Variants in PRPF38A observed in about 807,000 individuals in gnomAD.
The protein encoded by PRPF38A is pre-mRNA processing factor 38A, also known as pre-mRNA-splicing factor 38A.
A neutral mutation model predicts 46.8 loss-of-function variants in PRPF38A; 11 were observed. That is an observed-to-expected ratio of 0.24 (90% CI 0.15 to 0.39). The LOEUF is 0.39. Among genes scored for constraint, PRPF38A ranks in the 10% least tolerant of loss-of-function variants. The pLI, the probability that PRPF38A is intolerant of heterozygous loss-of-function variation, is 1.00. For synonymous variants in PRPF38A, 124 were observed against 136.2 expected (o/e 0.91, Z 0.62); for missense variants, 261 against 407.5 (o/e 0.64, Z 3.10).
chr1:52,419,449 C>T lies in PRPF38A; in HGVS notation c.*2759C>T, dbSNP rs566548672. On this transcript the variant is annotated 3_prime_UTR_variant, in exon 10 of 10. Transcript: ENST00000257181. Reference sequence around the variant, plus strand: ...TCAAGCTCATTCCTCTAACCTCTTCCTGTTTGTTATTCTTCAGTAGACCGA... The same window carrying T: ...TCAAGCTCATTCCTCTAACCTCTTCTTGTTTGTTATTCTTCAGTAGACCGA... 6.6e-6 allele frequency: 1 copy of T among 151,792 alleles called. No individual in the cohort carries two copies. The highest frequency in any genetic ancestry group is 1.9e-4 in the East Asian group (1 of 5,166). The allele number at this position is 151,792 out of a possible 1,614,324, so 9.4% of individuals were successfully genotyped here. A position where few individuals can be genotyped will look rare whatever the true frequency, so the allele number is the denominator to read the frequency against.
At chr1:52,406,774 T>C (rs1648009407) in intron 2 of PRPF38A, among the ~76,000 whole-genome samples, 1 of 152,186 alleles carries the variant, frequency 6.6e-6, no homozygotes. Flanking sequence ...TAATAATTCA[T>C]TTCACTTTCA....
chr1:52,407,930 C>G (rs1320678677), intron 2 of PRPF38A, among the ~76,000 whole-genome samples: 1 of 152,264 alleles, frequency 6.6e-6, no homozygotes, highest in Non-Finnish European at 1.5e-5. Context: ...TTGGCACATG[C>G]CTATAATCCC....
chr1:52,414,762 C>T lies in PRPF38A; in HGVS notation c.750C>T (p.Ser250=), dbSNP rs929500583. The T allele has an allele frequency of 6.2e-7, 1 of 1,614,120 alleles. No individual in the cohort carries two copies. The highest frequency in any genetic ancestry group is 8.5e-7 in the Non-Finnish European group (1 of 1,179,992). The part of the protein sequence containing the change: ...RRRSRSPKRR[S]PSPRRERHRS... The stretch of plus-strand genomic sequence containing the variant: ...GTAGTCTGACCAGTCTTTTCTACAG[C>T]CCCTCCCCTCGCCGAGAAAGGCATC... Residue 250 remains serine, a splice_region_variant and synonymous_variant, in exon 8 of 10, where the codon AGC becomes AGT. Coordinates refer to ENST00000257181, the MANE Select transcript of PRPF38A (RefSeq NM_032864.4).
chr1:52,405,619 C>G, intron 1 of PRPF38A, 61 bp from the exon 2 acceptor site: 1 of 1,537,166 alleles, frequency 6.5e-7, no homozygotes, highest in East Asian at 2.3e-5. Context: ...CTTGAACTAA[C>G]TCCACTCCAA....
chr1:52,409,972 G>A (rs1174136571), intron 3 of PRPF38A, among the ~76,000 whole-genome samples: 1 of 151,484 alleles, frequency 6.6e-6, no homozygotes, highest in Admixed American at 6.6e-5. Flanking sequence ...CAGAAGTAAG[G>A]TAATGTTTAC....
rs1216097557 is a variant in PRPF38A at position 52,419,414 on chromosome 1, C to A, written c.*2724C>A. ...TTTGGTGAGAGGGTTCCAATATTAACAACCCAACTTCAAGCTCATTCCTCT... is the reference window on the plus strand; with the variant it reads ...TTTGGTGAGAGGGTTCCAATATTAAAAACCCAACTTCAAGCTCATTCCTCT... On this transcript the variant is annotated 3_prime_UTR_variant, in exon 10 of 10. Transcript: ENST00000257181. 2 of 148,376 alleles carry A rather than the reference C, an allele frequency of 1.3e-5. No homozygotes were observed. The highest frequency in any genetic ancestry group is 4.9e-5 in the African/African-American group (2 of 40,422). The allele number at this position is 148,376 out of a possible 1,614,324, so 9.2% of individuals were successfully genotyped here.
chr1:52,407,086 C>T (rs61782546), intron 2 of PRPF38A, among the ~76,000 whole-genome samples: 3,095 of 152,286 alleles, frequency 0.02, 62 homozygotes, highest in Middle Eastern at 0.11. Flanking sequence ...GGCGCAGTCT[C>T]GGCTCACTGC....
chr1:52,406,762 T>C (rs1648008993), intron 2 of PRPF38A, among the ~76,000 whole-genome samples: 1 of 152,212 alleles, frequency 6.6e-6, no homozygotes, highest in Non-Finnish European at 1.5e-5. Context: ...GGGCTTTGCA[T>C]ATAATAATTC....
At position 52,419,482 on chromosome 1, in the gene PRPF38A, A is replaced by G. The variant is rs552191117; in HGVS notation, c.*2792A>G. On this transcript the variant is annotated 3_prime_UTR_variant, in exon 10 of 10. Coordinates refer to ENST00000257181, the MANE Select transcript of PRPF38A (RefSeq NM_032864.4). Reference sequence around the variant, plus strand: ...TATTCTTCAGTAGACCGAAGTTTAAATAAGCATTATTTAGAAAAGAACGAT... The same window carrying G: ...TATTCTTCAGTAGACCGAAGTTTAAGTAAGCATTATTTAGAAAAGAACGAT... 62 of 152,152 alleles carry G rather than the reference A, an allele frequency of 4.1e-4. No individual in the cohort carries two copies. Among genetic ancestry groups the G allele is most frequent in the African/African-American group, 1.4e-3 (58 of 41,452 alleles). 9.4% of individuals were successfully genotyped at this position (152,152 alleles called of 1,614,324 possible).
At position 52,408,544 on chromosome 1, in the gene PRPF38A, T is replaced by C. The variant is rs933358157; in HGVS notation, c.291-25T>C. 11 of 1,613,836 alleles carry C rather than the reference T, an allele frequency of 6.8e-6. No homozygotes were observed. In the Admixed American group the frequency reaches 1.2e-4, roughly 17 times the overall value. ...CTCAGGAACTTCTAGGATGGCCTGT[T>C]GTTTCACTGTCATCTGTCTCTCAGG... On this transcript the variant is annotated intron_variant, in intron 2 of 9. Transcript: ENST00000257181.
intron 3 of PRPF38A, 74 bp downstream of exon 3, chr1:52,408,764 A>T: frequency 1.3e-6 from 2 of 1,541,846 alleles, no homozygotes; most frequent in Non-Finnish European, 1.8e-6. Context: ...CTACCTTTGC[A>T]TTGTCATAGA....
In PRPF38A at chr1:52,408,584, G is replaced by A. The variant is rs762595681; in HGVS notation, c.306G>A (p.Leu102=). The A allele has an allele frequency of 2.2e-5, 35 of 1,614,034 alleles. No homozygotes were observed. The highest frequency in any genetic ancestry group is 3.0e-5 in the Non-Finnish European group (35 of 1,179,998). Residue 102 remains leucine, a synonymous_variant, in exon 3 of 10, where the codon CTG becomes CTA. Coordinates refer to ENST00000257181, the MANE Select transcript of PRPF38A (RefSeq NM_032864.4). ...KNEDFKYVRM[L]GALYMRLTGT... Reference sequence around the variant, plus strand: ...TGTCTCTCAGGTATGTCCGCATGCTGGGGGCACTTTACATGAGGCTGACAG... The same window carrying A: ...TGTCTCTCAGGTATGTCCGCATGCTAGGGGCACTTTACATGAGGCTGACAG...
At position 52,419,655 on chromosome 1, in the gene PRPF38A, A is replaced by G. The variant is rs1442353197; in HGVS notation, c.*2965A>G. 6.6e-6 allele frequency: 1 copy of G among 152,222 alleles called. No individual in the cohort carries two copies. The highest frequency in any genetic ancestry group is 1.5e-5 in the Non-Finnish European group (1 of 68,046). The allele number at this position is 152,222 out of a possible 1,614,324, so 9.4% of individuals were successfully genotyped here. A position where few individuals can be genotyped will look rare whatever the true frequency, so the allele number is the denominator to read the frequency against. ...AAGATTGGTGGAGTTTAAAGGCCTTATACTAGAAACCACAAAACATAAAAC... is the reference window on the plus strand; with the variant it reads ...AAGATTGGTGGAGTTTAAAGGCCTTGTACTAGAAACCACAAAACATAAAAC... On this transcript the variant is annotated 3_prime_UTR_variant, in exon 10 of 10. Transcript: ENST00000257181.
At chr1:52,413,329 G>A (rs898813606) in intron 5 of PRPF38A, among the ~76,000 whole-genome samples, 1 of 152,092 alleles carries the variant, frequency 6.6e-6, no homozygotes, top group South Asian at 2.1e-4. Flanking sequence ...AATGTCAACC[G>A]CATAGTCATG....
In PRPF38A at chr1:52,418,018, T is replaced by TC. The variant is rs34986236; in HGVS notation, c.*1329dup. The TC allele has an allele frequency of 0.17, 25,749 of 152,582 alleles. 4,600 individuals carry two copies. The highest frequency in any genetic ancestry group is 0.46 in the African/African-American group (18,889 of 41,426). 9.5% of individuals were successfully genotyped at this position (152,582 alleles called of 1,614,324 possible). A position where few individuals can be genotyped will look rare whatever the true frequency, so the allele number is the denominator to read the frequency against. ...AAAAGAGAAAAGTGATGGAATGACT[T>TC]CTGCAACTGTAGTCCCAGCAGGAAC... is the stretch of plus-strand genomic sequence containing the variant. On this transcript the variant is annotated 3_prime_UTR_variant, in exon 10 of 10. Transcript: ENST00000257181.
At chr1:52,410,083 T>C (rs982143163) in intron 3 of PRPF38A, among the ~76,000 whole-genome samples, 2 of 148,904 alleles carry the variant, frequency 1.3e-5, no homozygotes, top group Admixed American at 6.7e-5. Flanking sequence ...TTTATAATTA[T>C]ATTTACATAC....
intron 2 of PRPF38A, among the ~76,000 whole-genome samples, chr1:52,407,778 AG>A (rs1648039393): frequency 6.6e-6 from 1 of 152,186 alleles, no homozygotes; most frequent in South Asian, 2.1e-4. Context: ...AAAATATGCC[AG>A]GCATGGTTGC....
At chr1:52,411,601 C>T (rs375849985) in intron 4 of PRPF38A, among the ~76,000 whole-genome samples, 11 of 151,960 alleles carry the variant, frequency 7.2e-5, no homozygotes, top group East Asian at 3.8e-4. Flanking sequence ...ACTTCATGAA[C>T]GTTTTTTTTA....
chr1:52,416,792 AG>A lies in PRPF38A; in HGVS notation c.*103del, dbSNP rs1203668477. 1 of 909,688 alleles carries A rather than the reference AG, an allele frequency of 1.1e-6. No homozygotes were observed. The highest frequency in any genetic ancestry group is 1.8e-6 in the Non-Finnish European group (1 of 563,692). 56.4% of individuals were successfully genotyped at this position (909,688 alleles called of 1,614,324 possible). A position where few individuals can be genotyped will look rare whatever the true frequency, so the allele number is the denominator to read the frequency against. On this transcript the variant is annotated 3_prime_UTR_variant, in exon 10 of 10. Coordinates refer to ENST00000257181, the MANE Select transcript of PRPF38A (RefSeq NM_032864.4). ...CCCCAGGCAGCTATAAGAATATTTT[AG>A]TTTTTTTCTTATCAAGTTTCTCAAC...
Sources: gnomAD v4.1 joint callset for allele counts (sites outside exome capture counted in the v4.1 genomes callset) on GRCh38, gnomAD v4.1.1 for gene constraint, MANE v1.5 for transcripts, NCBI Gene and HGNC (gene_info 2026-07-23, HGNC 2026-07-21) for gene names.